The following RPL3L variants were observed in gnomAD, a reference collection of about 807,000 sequenced individuals.
RPL3L encodes the protein ribosomal protein L3 like.
Under a neutral mutation model 44.5 loss-of-function variants are expected in RPL3L, and 44 were observed. The observed-to-expected ratio is 0.99, with a 90% CI of 0.78 to 1.27. The LOEUF (loss-of-function observed/expected upper bound fraction) is 1.27, where lower values mean the gene tolerates loss of function less well. Ranked by LOEUF, RPL3L falls within the 50% of genes most tolerant of loss-of-function variation. The pLI is 0.00. For missense variants in RPL3L, 631 were observed against 569.1 expected (o/e 1.11, Z -1.11); for synonymous variants, 292 against 230.7 (o/e 1.27, Z -2.41).
In RPL3L at chr16:1,952,990, G is replaced by C. The variant is rs756338074; in HGVS notation, c.249C>G (p.Pro83=). 2.5e-6 allele frequency: 4 copies of C among 1,611,112 alleles called. No individual in the cohort carries two copies. Among genetic ancestry groups the C allele is most frequent in the Admixed American group, 3.4e-5 (2 of 59,080 alleles). The part of the protein sequence containing the change: ...VEAVTIVETP[P]LVVVGVVGYV... ...AGCCCACCACGCCCACCACCACTAG[G>C]GGCGGCGTTTCTACAATTGTCACCG... is the stretch of plus-strand genomic sequence containing the variant. Residue 83 remains proline, a synonymous_variant, in exon 3 of 10, where the codon CCC becomes CCG. Transcript: ENST00000268661.
intron 4 of RPL3L, among the ~76,000 whole-genome samples, chr16:1,948,379 A>T (rs2083141724): frequency 6.6e-6 from 1 of 151,706 alleles, no homozygotes; most frequent in Non-Finnish European, 1.5e-5. Context: ...GTGTGCCACC[A>T]TGCCCGGCTA....
chr16:1,946,973 T>C lies in RPL3L; in HGVS notation c.814A>G (p.Lys272Glu), dbSNP rs1380803091. The C allele has an allele frequency of 6.2e-7, 1 of 1,609,658 alleles. No homozygotes were observed. Among genetic ancestry groups the C allele is most frequent in the Non-Finnish European group, 8.5e-7 (1 of 1,178,926 alleles). Reference protein sequence around the residue: ...VGCSIARAGQKGYHHRTELNK... With the variant: ...VGCSIARAGQEGYHHRTELNK... ...AGCTCCGTGCGGTGGTGATAGCCCTTCTGCCCGGCCCGAGCAATGGAGCAG... is the reference window on the plus strand; with the variant it reads ...AGCTCCGTGCGGTGGTGATAGCCCTCCTGCCCGGCCCGAGCAATGGAGCAG... The change falls in exon 6 of 10, where the codon AAG becomes GAG. Residue 272 changes from lysine to glutamate, a missense_variant. Coordinates refer to ENST00000268661, the MANE Select transcript of RPL3L (RefSeq NM_005061.3).
Position 1,954,515 on chromosome 16 carries a change from C to G in RPL3L, c.3+114G>C, listed in dbSNP as rs1044652393. 1.0e-5 allele frequency: 12 copies of G among 1,197,694 alleles called. No individual in the cohort carries two copies. The African/African-American group carries it at 1.9e-4, about 19-fold the overall frequency. The allele number at this position is 1,197,694 out of a possible 1,614,324, so 74.2% of individuals were successfully genotyped here. A position where few individuals can be genotyped will look rare whatever the true frequency, so the allele number is the denominator to read the frequency against. On this transcript the variant is annotated intron_variant, in intron 1 of 9. Transcript: ENST00000268661. The stretch of plus-strand genomic sequence containing the variant: ...CTTGTTTCCCCCTCCAGCCTCCCAT[C>G]CCCTCACAGGCTGGGAGACTGTCCC...
At position 1,946,690 on chromosome 16, in the gene RPL3L, C is replaced by G. The variant is rs145928459; in HGVS notation, c.886G>C (p.Gly296Arg). ...GATGCATTGTTCTTCACCAGCTTCC[C>G]GTCCTCCATGTGCGGGCCCCTGCCG... is the stretch of plus-strand genomic sequence containing the variant. ...RIGRGPHMED[G>R]KLVKNNASTS... Residue 296 changes from glycine to arginine, a missense_variant, in exon 7 of 10, where the codon GGG becomes CGG. Coordinates refer to ENST00000268661, the MANE Select transcript of RPL3L (RefSeq NM_005061.3). 1.2e-6 allele frequency: 2 copies of G among 1,612,778 alleles called. No homozygotes were observed. The highest frequency in any genetic ancestry group is 1.1e-5 in the South Asian group (1 of 91,090).
chr16:1,950,005 G>A lies in RPL3L; in HGVS notation c.501+839C>T, dbSNP rs1459416651. Among the ~76,000 whole-genome samples, 952 of 139,292 alleles carry A rather than the reference G, an allele frequency of 6.8e-3. 48 individuals carry two copies. The highest frequency in any genetic ancestry group is 0.025 in the African/African-American group (880 of 34,618). 91.4% of individuals were successfully genotyped at this position (139,292 alleles called of 152,430 possible). ...AGGTATGGACAGGGCAGGTATGTAG[G>A]GGGCAGGTATGTAGGGAGCAGGTAT... On this transcript the variant is annotated intron_variant, in intron 4 of 9. Transcript: ENST00000268661.
intron 3 of RPL3L, among the ~76,000 whole-genome samples, chr16:1,952,647 A>G (rs1567311848): frequency 6.6e-6 from 1 of 152,186 alleles, no homozygotes. Flanking sequence ...AAGTGCTGGG[A>G]TTACAGGCGT....
chr16:1,952,726 CACACAG>C, intron 3 of RPL3L, 142 bp downstream of exon 3: 1 of 889,852 alleles, frequency 1.1e-6, no homozygotes, highest in Non-Finnish European at 1.7e-6. Context: ...CACACACACA[CACACAG>C]ACACTCCTAC....
In RPL3L at chr16:1,954,316, G is replaced by A. The variant is rs1010629015; in HGVS notation, c.4-168C>T. Among the ~76,000 whole-genome samples, 6 of 152,166 alleles carry A rather than the reference G, an allele frequency of 3.9e-5. 1 individual carries two copies. The South Asian group carries it at 1.2e-3, about 31-fold the overall frequency. On this transcript the variant is annotated intron_variant, in intron 1 of 9. Coordinates refer to ENST00000268661, the MANE Select transcript of RPL3L (RefSeq NM_005061.3). Reference sequence around the variant, plus strand: ...AGGGGAGAGGAAGGTTCACCAAGGGGCAGCGTCTTTGGGATGGGGTCTCCA... The same window carrying A: ...AGGGGAGAGGAAGGTTCACCAAGGGACAGCGTCTTTGGGATGGGGTCTCCA...
At position 1,944,908 on chromosome 16, in the gene RPL3L, G is replaced by C; in HGVS notation, c.1168-15C>G. The C allele has an allele frequency of 6.2e-7, 1 of 1,606,534 alleles. No homozygotes were observed. The highest frequency in any genetic ancestry group is 8.5e-7 in the Non-Finnish European group (1 of 1,178,700). On this transcript the variant is annotated splice_polypyrimidine_tract_variant and intron_variant, in intron 9 of 9. Transcript: ENST00000268661. ...TTTTGGGGGCCCTGGTTGAGAGGGT[G>C]GTGCAGGAGGAGCCTTAGTCACTCT...
intron 4 of RPL3L, among the ~76,000 whole-genome samples, chr16:1,948,038 C>T (rs2531335): frequency 0.61 from 89,841 of 148,332 alleles, 27,707 homozygotes; most frequent in East Asian, 0.79. Flanking sequence ...CCCGGGTTCA[C>T]GCCATTCCCC....
At chr16:1,944,992 C>T (rs1261250697) in intron 9 of RPL3L, 99 bp from the exon 10 acceptor site, 13 of 1,429,780 alleles carry the variant, frequency 9.1e-6, no homozygotes, top group South Asian at 1.1e-5. Context: ...GGCCCTACTG[C>T]CCCCCTAAGG....
At chr16:1,948,513 T>TA in intron 4 of RPL3L, among the ~76,000 whole-genome samples, 1 of 152,078 alleles carries the variant, frequency 6.6e-6, no homozygotes. Flanking sequence ...CATGAGCCAC[T>TA]GCACCTGGCC....
rs1379521365 is a variant in RPL3L, at chr16:1,944,593, G to A, written c.*244C>T. On this transcript the variant is annotated 3_prime_UTR_variant, in exon 10 of 10. Transcript: ENST00000268661. Reference sequence around the variant, plus strand: ...TGCTCCGCAAATGCTCAAAGAGATCGATTTGAGTAATAATAAAACATAAAA... The same window carrying A: ...TGCTCCGCAAATGCTCAAAGAGATCAATTTGAGTAATAATAAAACATAAAA... The A allele has an allele frequency of 7.6e-6, 3 of 394,222 alleles. No homozygotes were observed. The highest frequency in any genetic ancestry group is 4.0e-5 in the East Asian group (1 of 24,776). 24.4% of individuals were successfully genotyped at this position (394,222 alleles called of 1,614,324 possible). A position where few individuals can be genotyped will look rare whatever the true frequency, so the allele number is the denominator to read the frequency against.
At position 1,944,735 on chromosome 16, in the gene RPL3L, A is replaced by C; in HGVS notation, c.*102T>G. The C allele has an allele frequency of 1.3e-6, 2 of 1,492,026 alleles. No individual in the cohort carries two copies. Among genetic ancestry groups the C allele is most frequent in the Non-Finnish European group, 1.9e-6 (2 of 1,070,738 alleles). The allele number at this position is 1,492,026 out of a possible 1,614,324, so 92.4% of individuals were successfully genotyped here. On this transcript the variant is annotated 3_prime_UTR_variant, in exon 10 of 10. Coordinates refer to ENST00000268661, the MANE Select transcript of RPL3L (RefSeq NM_005061.3). ...GGCAAGGTGAACCCCTTGGGCGGTT[A>C]CACAGCGCTCTGAGACCTCGCAGGA...
chr16:1,944,745 C>G lies in RPL3L; in HGVS notation c.*92G>C. The stretch of plus-strand genomic sequence containing the variant: ...ACCCCTTGGGCGGTTACACAGCGCT[C>G]TGAGACCTCGCAGGAAGAGTCGCCT... On this transcript the variant is annotated 3_prime_UTR_variant, in exon 10 of 10. Transcript: ENST00000268661. 2 of 1,568,326 alleles carry G rather than the reference C, an allele frequency of 1.3e-6. No individual in the cohort carries two copies. Among genetic ancestry groups the G allele is most frequent in the Non-Finnish European group, 1.8e-6 (2 of 1,139,282 alleles).
intron 2 of RPL3L, among the ~76,000 whole-genome samples, 160 bp downstream of exon 2, chr16:1,953,796 G>A (rs2083188020): frequency 1.3e-5 from 2 of 152,200 alleles, no homozygotes; most frequent in African/African-American, 4.8e-5. Flanking sequence ...AACCCGCCCG[G>A]AAGCCCTGCC....
chr16:1,952,971 C>T lies in RPL3L; in HGVS notation c.268G>A (p.Val90Met). ...ETPPLVVVGVVGYVATPRGLR... is the reference protein window; with the variant it reads ...ETPPLVVVGVMGYVATPRGLR... ...CCTCGAGGGGTGGCCACGTAGCCCA[C>T]CACGCCCACCACCACTAGGGGCGGC... Residue 90 changes from valine (V) to methionine (M), a missense_variant, in exon 3 of 10, where the codon GTG (valine) becomes ATG (methionine). Val to Met is a conservative substitution (Grantham distance 21). Coordinates refer to ENST00000268661, the MANE Select transcript of RPL3L (RefSeq NM_005061.3). 1.2e-6 allele frequency: 2 copies of T among 1,613,088 alleles called. No homozygotes were observed. The highest frequency in any genetic ancestry group is 1.1e-5 in the South Asian group (1 of 90,992).
chr16:1,946,796 C>G (rs112468975), intron 6 of RPL3L, 70 bp from the exon 7 acceptor site: 3 of 1,591,254 alleles, frequency 1.9e-6, no homozygotes, highest in African/African-American at 1.3e-5. Context: ...CAGGCCCATC[C>G]GCCCACATGC....
Position 1,945,897 on chromosome 16 carries a change from C to T in RPL3L, c.985G>A (p.Asp329Asn), listed in dbSNP as rs372735084. The change falls in exon 8 of 10, where the codon GAC becomes AAC. Residue 329 changes from aspartate (D) to asparagine (N), a missense_variant. Asp to Asn is a conservative substitution (Grantham distance 23). Coordinates refer to ENST00000268661, the MANE Select transcript of RPL3L (RefSeq NM_005061.3). ...ATACAACCCTTCAGCATGACGAAGTCGTTGTTCACTTCCCCGTAGTGGGGG... is the reference window on the plus strand; with the variant it reads ...ATACAACCCTTCAGCATGACGAAGTTGTTGTTCACTTCCCCGTAGTGGGGG... The part of the protein sequence containing the change: ...GFPHYGEVNN[D>N]FVMLKGCIAG... 21 of 1,613,368 alleles carry T rather than the reference C, an allele frequency of 1.3e-5. No individual in the cohort carries two copies. Among genetic ancestry groups the T allele is most frequent in the Non-Finnish European group, 1.4e-5 (17 of 1,179,764 alleles).
Sources: allele counts gnomAD v4.1 joint callset (sites outside exome capture counted in the v4.1 genomes callset), GRCh38; gene constraint gnomAD v4.1.1; transcripts MANE v1.5; gene names NCBI Gene and HGNC (gene_info 2026-07-23, HGNC 2026-07-21).